Variants in CASR observed in about 807,000 individuals in gnomAD.
CASR encodes the protein extracellular calcium-sensing receptor.
A neutral mutation model predicts 69.1 loss-of-function variants in CASR; 23 were observed. The ratio of observed to expected loss-of-function variants is 0.33; its 90% CI spans 0.24 to 0.47. The LOEUF (loss-of-function observed/expected upper bound fraction) is 0.47, where lower values mean the gene tolerates loss of function less well. Among genes scored for constraint, CASR ranks in the 20% least tolerant of loss-of-function variants. CASR has a pLI of 1.00. For synonymous variants in CASR, 541 were observed against 544.7 expected (o/e 0.99, Z 0.10); for missense variants, 924 against 1,356.1 (o/e 0.68, Z 5.00).
At chr3:122,252,409 A>AAGAGAAAGAAAG (rs1553765628) in intron 1 of CASR, among the ~76,000 whole-genome samples, 1 of 6,482 alleles carries the variant, frequency 1.5e-4, no homozygotes, top group Non-Finnish European at 3.8e-4. Context: ...GAAGGAAGGA[A>AAGAGAAAGAAAG]AAAGAAAGAA....
At chr3:122,226,516 T>G (rs985261991) in intron 1 of CASR, among the ~76,000 whole-genome samples, 1 of 152,184 alleles carries the variant, frequency 6.6e-6, no homozygotes, top group Non-Finnish European at 1.5e-5. Context: ...TTGCCACTGC[T>G]GTCTCGGGCA....
chr3:122,212,472 A>G (rs1396839904), intron 1 of CASR, among the ~76,000 whole-genome samples: 1 of 152,146 alleles, frequency 6.6e-6, no homozygotes, highest in Non-Finnish European at 1.5e-5. Flanking sequence ...TACCTAGGTG[A>G]TGGGTTGATA....
chr3:122,265,196 T>C (rs2074677616), intron 4 of CASR, among the ~76,000 whole-genome samples: 1 of 152,268 alleles, frequency 6.6e-6, no homozygotes. Context: ...TTGATGTTTA[T>C]ATACCCAGCT....
intron 1 of CASR, among the ~76,000 whole-genome samples, chr3:122,224,155 C>T (rs139465716): frequency 3.8e-4 from 58 of 152,254 alleles, no homozygotes; most frequent in African/African-American, 1.4e-3. Flanking sequence ...CCACTCTCAC[C>T]ACTCCTATTC....
At chr3:122,234,702 G>A (rs2074312570) in intron 1 of CASR, among the ~76,000 whole-genome samples, 1 of 152,188 alleles carries the variant, frequency 6.6e-6, no homozygotes, top group Non-Finnish European at 1.5e-5. Flanking sequence ...CAGCTGGACA[G>A]GAGTCACTCA....
chr3:122,185,958 G>C (rs912921534), intron 1 of CASR, among the ~76,000 whole-genome samples: 1 of 143,026 alleles, frequency 7.0e-6, no homozygotes, highest in African/African-American at 2.6e-5. Flanking sequence ...TAATTTCTAA[G>C]AGACCACACA....
intron 1 of CASR, among the ~76,000 whole-genome samples, chr3:122,188,760 G>T (rs902819362): frequency 4.6e-5 from 7 of 152,160 alleles, no homozygotes; most frequent in African/African-American, 1.7e-4. Context: ...ACACCAGCCT[G>T]ATTCACTTTT....
intron 1 of CASR, among the ~76,000 whole-genome samples, chr3:122,236,541 G>C (rs1037122744): frequency 5.3e-5 from 8 of 152,050 alleles, no homozygotes; most frequent in Non-Finnish European, 8.8e-5. Flanking sequence ...TGAGATATTT[G>C]GGGATTAAAA....
At chr3:122,260,320 A>G (rs1352250924) in intron 3 of CASR, among the ~76,000 whole-genome samples, 1 of 152,230 alleles carries the variant, frequency 6.6e-6, no homozygotes, top group African/African-American at 2.4e-5. Flanking sequence ...TCTTCAAGCA[A>G]CGATCTCTTA....
intron 1 of CASR, among the ~76,000 whole-genome samples, chr3:122,217,749 C>T (rs1179026548): frequency 3.9e-5 from 6 of 152,008 alleles, no homozygotes; most frequent in African/African-American, 1.2e-4. Context: ...AAGTAATAAC[C>T]GTACCATTCT....
In CASR at chr3:122,290,732, T is replaced by C. The variant is rs1165398193; in HGVS notation, c.*5541T>C. ...CCCTCCTCCAAATTTTTCTTTATTC[T>C]TTTTTTTTTATTATACTTTAAGTTT... On this transcript the variant is annotated 3_prime_UTR_variant, in exon 7 of 7. Coordinates refer to ENST00000639785, the MANE Select transcript of CASR (RefSeq NM_000388.4). 6.7e-6 allele frequency: 1 copy of C among 148,924 alleles called. No homozygotes were observed. The allele number at this position is 148,924 out of a possible 1,614,324, so 9.2% of individuals were successfully genotyped here.
In CASR at chr3:122,265,652, T is replaced by C. The variant is rs2074684393; in HGVS notation, c.1377+3240T>C. Among the ~76,000 whole-genome samples, 3 of 152,246 alleles carry C rather than the reference T, an allele frequency of 2.0e-5. No individual in the cohort carries two copies. In the East Asian group the frequency reaches 5.8e-4, roughly 29 times the overall value. On this transcript the variant is annotated intron_variant, in intron 4 of 6. Transcript: ENST00000639785. The stretch of plus-strand genomic sequence containing the variant: ...AACAACCCATTCTTGAATCAATCAC[T>C]GTGGCCAAGGTATTCTAGGCTCTGT...
intron 1 of CASR, among the ~76,000 whole-genome samples, chr3:122,236,298 A>G (rs2074328707): frequency 6.6e-6 from 1 of 152,194 alleles, no homozygotes; most frequent in Non-Finnish European, 1.5e-5. Context: ...AGCAATGGAG[A>G]ATCTTCTCAT....
At chr3:122,205,552 CT>C (rs1443568358) in intron 1 of CASR, among the ~76,000 whole-genome samples, 1 of 151,816 alleles carries the variant, frequency 6.6e-6, no homozygotes, top group East Asian at 1.9e-4. Context: ...TATTCAGGGT[CT>C]TTTGTAGTTC....
In CASR at chr3:122,289,940, A is replaced by C. The variant is rs1470012284; in HGVS notation, c.*4749A>C. 1 of 151,540 alleles carries C rather than the reference A, an allele frequency of 6.6e-6. No individual in the cohort carries two copies. The highest frequency in any genetic ancestry group is 1.5e-5 in the Non-Finnish European group (1 of 67,978). 9.4% of individuals were successfully genotyped at this position (151,540 alleles called of 1,614,324 possible). A position where few individuals can be genotyped will look rare whatever the true frequency, so the allele number is the denominator to read the frequency against. On this transcript the variant is annotated 3_prime_UTR_variant, in exon 7 of 7. Coordinates refer to ENST00000639785, the MANE Select transcript of CASR (RefSeq NM_000388.4). The stretch of plus-strand genomic sequence containing the variant: ...AACAATAAAAAAAAAAAACAGCTGG[A>C]CATGGTGGCATGCGCCTGTAGTGGC...
chr3:122,207,658 G>T (rs1232951312), intron 1 of CASR, among the ~76,000 whole-genome samples: 1 of 151,978 alleles, frequency 6.6e-6, no homozygotes, highest in Non-Finnish European at 1.5e-5. Context: ...AAATCTATGG[G>T]ATACAACAAA....
In CASR at chr3:122,252,449, A is replaced by AAAGAAAGAAAG. The variant is rs1559954421; in HGVS notation, c.-242-1497_-242-1496insGAAAGAAAGAA. 9.7e-3 allele frequency among the ~76,000 whole-genome samples: 526 copies of AAAGAAAGAAAG among 54,450 alleles called. 31 individuals carry two copies. Among genetic ancestry groups the AAAGAAAGAAAG allele is most frequent in the East Asian group, 0.026 (46 of 1,774 alleles). 35.7% of individuals were successfully genotyped at this position (54,450 alleles called of 152,430 possible). On this transcript the variant is annotated intron_variant, in intron 1 of 6. Transcript: ENST00000639785. The stretch of plus-strand genomic sequence containing the variant: ...AGAAAGAAAGAAAGAAAGAAAGAAA[A>AAAGAAAGAAAG]AAAAGAAAAGAAAGAAAAGAAAAGA...
rs1372556980 is a variant in CASR at position 122,290,784 on chromosome 3, T to C, written c.*5593T>C. 6.6e-6 allele frequency: 1 copy of C among 151,894 alleles called. No individual in the cohort carries two copies. The highest frequency in any genetic ancestry group is 6.5e-5 in the Admixed American group (1 of 15,274). The allele number at this position is 151,894 out of a possible 1,614,324, so 9.4% of individuals were successfully genotyped here. On this transcript the variant is annotated 3_prime_UTR_variant, in exon 7 of 7. Coordinates refer to ENST00000639785, the MANE Select transcript of CASR (RefSeq NM_000388.4). ...AGGGTACATGTGCACAACGTGCAGG[T>C]TTGTTACATATGTATACATGTGCCA...
chr3:122,260,570 C>T (rs1234990988), intron 3 of CASR, among the ~76,000 whole-genome samples: 1 of 152,158 alleles, frequency 6.6e-6, no homozygotes, highest in Non-Finnish European at 1.5e-5. Context: ...CACAATGCGA[C>T]CTTCAAAAGT....
Sources: gnomAD v4.1 joint callset for allele counts (sites outside exome capture counted in the v4.1 genomes callset) on GRCh38, gnomAD v4.1.1 for gene constraint, MANE v1.5 for transcripts, NCBI Gene and HGNC (gene_info 2026-07-23, HGNC 2026-07-21) for gene names.